The following ST3GAL1 variants were observed in gnomAD, a reference collection of about 807,000 sequenced individuals.
The protein encoded by ST3GAL1 is CMP-N-acetylneuraminate-beta-galactosamide-alpha-2,3-sialyltransferase 1.
Under a neutral mutation model 34.1 loss-of-function variants are expected in ST3GAL1, and 16 were observed. That is an observed-to-expected ratio of 0.47 (90% CI 0.32 to 0.71). The LOEUF is 0.71. ST3GAL1 is among the 30% of genes least tolerant of loss of function. The probability of loss-of-function intolerance (pLI) is 0.04; values close to 1 mark genes in which losing one functional copy is unlikely to be tolerated. For missense variants in ST3GAL1, 353 were observed against 447.4 expected (o/e 0.79, Z 1.90); for synonymous variants, 191 against 184.7 (o/e 1.03, Z -0.28).
intron 1 of ST3GAL1, among the ~76,000 whole-genome samples, chr8:133,569,814 C>G (rs1005736770): frequency 1.3e-5 from 2 of 152,226 alleles, no homozygotes; most frequent in Admixed American, 1.3e-4. Context: ...CTTTTCGAAG[C>G]CTCTGGGCGC....
At chr8:133,468,943 G>C (rs1419237719) in intron 5 of ST3GAL1, among the ~76,000 whole-genome samples, 5 of 152,158 alleles carry the variant, frequency 3.3e-5, no homozygotes, top group Non-Finnish European at 1.5e-5. Context: ...TGCCCCTTAG[G>C]CTTGTAAAGA....
At chr8:133,483,201 G>A (rs551993284) in intron 3 of ST3GAL1, among the ~76,000 whole-genome samples, 17 of 152,296 alleles carry the variant, frequency 1.1e-4, no homozygotes, top group African/African-American at 4.1e-4. Flanking sequence ...AATTAGCCGG[G>A]TGTGGTGGCA....
intron 5 of ST3GAL1, among the ~76,000 whole-genome samples, chr8:133,472,098 G>A (rs1420670165): frequency 6.6e-6 from 1 of 152,054 alleles, no homozygotes; most frequent in Admixed American, 6.5e-5. Context: ...GGGTCAGTAG[G>A]TCCAGCCTGG....
intron 5 of ST3GAL1, among the ~76,000 whole-genome samples, chr8:133,471,078 T>C (rs1245028963): frequency 3.3e-5 from 5 of 152,120 alleles, no homozygotes; most frequent in South Asian, 2.1e-4. Flanking sequence ...CCTTGGACCC[T>C]GGAAATATCA....
intron 1 of ST3GAL1, among the ~76,000 whole-genome samples, chr8:133,559,659 G>A (rs2131104900): frequency 6.6e-6 from 1 of 152,272 alleles, no homozygotes; most frequent in East Asian, 1.9e-4. Flanking sequence ...CAAGTAAGAA[G>A]AAGAACAACA....
At chr8:133,471,902 C>T (rs769734883) in intron 5 of ST3GAL1, among the ~76,000 whole-genome samples, 4 of 151,808 alleles carry the variant, frequency 2.6e-5, no homozygotes, top group Admixed American at 6.6e-5. Flanking sequence ...AGGGGAGGGT[C>T]GCACTCTTTC....
chr8:133,500,791 T>A (rs1817126451), intron 2 of ST3GAL1, among the ~76,000 whole-genome samples: 1 of 152,218 alleles, frequency 6.6e-6, no homozygotes, highest in African/African-American at 2.4e-5. Flanking sequence ...TATCATCATC[T>A]TCATCATCAT....
intron 1 of ST3GAL1, among the ~76,000 whole-genome samples, chr8:133,562,263 G>A (rs998391565): frequency 6.8e-6 from 1 of 147,630 alleles, no homozygotes; most frequent in Non-Finnish European, 1.5e-5. Context: ...AGGCTGGAGT[G>A]CAGTGGCAGG....
Position 133,457,846 on chromosome 8 carries a change from G to C in ST3GAL1, c.*1918C>G, listed in dbSNP as rs528735131. 6.6e-6 allele frequency: 1 copy of C among 152,240 alleles called. No individual in the cohort carries two copies. The highest frequency in any genetic ancestry group is 2.4e-5 in the African/African-American group (1 of 41,460). The allele number at this position is 152,240 out of a possible 1,614,324, so 9.4% of individuals were successfully genotyped here. A position where few individuals can be genotyped will look rare whatever the true frequency, so the allele number is the denominator to read the frequency against. The stretch of plus-strand genomic sequence containing the variant: ...GTGCAGAGGGGGCTCCCCCGAGCCT[G>C]GGAGCACAGGCCCCATGCCTCCGTC... On this transcript the variant is annotated 3_prime_UTR_variant, in exon 10 of 10. Transcript: ENST00000522652.
intron 3 of ST3GAL1, among the ~76,000 whole-genome samples, chr8:133,481,384 C>T (rs956092300): frequency 3.9e-5 from 6 of 152,262 alleles, no homozygotes; most frequent in Non-Finnish European, 4.4e-5. Context: ...CTCTTCCTTA[C>T]AGGCTCCTAT....
chr8:133,535,872 C>G (rs374394332), intron 2 of ST3GAL1, among the ~76,000 whole-genome samples: 2 of 152,192 alleles, frequency 1.3e-5, no homozygotes, highest in Non-Finnish European at 2.9e-5. Flanking sequence ...GACTACAGTA[C>G]AGTATAGTAT....
chr8:133,531,816 A>G (rs1330237594), intron 2 of ST3GAL1, among the ~76,000 whole-genome samples: 2 of 19,426 alleles, frequency 1.0e-4, no homozygotes, highest in Non-Finnish European at 2.4e-4. Flanking sequence ...TAAAAACAGA[A>G]AAAAAAAAAA....
At chr8:133,498,506 T>G (rs960335993) in intron 3 of ST3GAL1, among the ~76,000 whole-genome samples, 3 of 147,668 alleles carry the variant, frequency 2.0e-5, no homozygotes, top group Admixed American at 6.8e-5. Flanking sequence ...GTTTGGAGGG[T>G]TTTTTTTTTC....
At chr8:133,541,137 A>AGAGAGAGAGC (rs1818515262) in intron 2 of ST3GAL1, among the ~76,000 whole-genome samples, 1 of 137,850 alleles carries the variant, frequency 7.3e-6, no homozygotes, top group African/African-American at 2.8e-5. Context: ...AGAGAGAGAG[A>AGAGAGAGAGC]GAGAGAGAGA....
chr8:133,559,348 T>C (rs1224560538), intron 1 of ST3GAL1, among the ~76,000 whole-genome samples: 1 of 152,082 alleles, frequency 6.6e-6, no homozygotes, highest in East Asian at 1.9e-4. Context: ...AAACAGAAAA[T>C]AGCAGCAGAC....
chr8:133,513,528 C>T (rs1817556012), intron 2 of ST3GAL1, among the ~76,000 whole-genome samples: 1 of 152,136 alleles, frequency 6.6e-6, no homozygotes, highest in Non-Finnish European at 1.5e-5. Context: ...TTTCGTGCTC[C>T]AATGGCACAA....
At chr8:133,558,454 A>G (rs969894526) in intron 1 of ST3GAL1, among the ~76,000 whole-genome samples, 3 of 152,254 alleles carry the variant, frequency 2.0e-5, no homozygotes, top group Non-Finnish European at 2.9e-5. Flanking sequence ...GAGTAAATCA[A>G]GGAATCAATG....
At chr8:133,553,447 C>G (rs1174402331) in intron 1 of ST3GAL1, among the ~76,000 whole-genome samples, 3 of 152,242 alleles carry the variant, frequency 2.0e-5, no homozygotes, top group Non-Finnish European at 4.4e-5. Flanking sequence ...AAAAGCCTCA[C>G]TTTACCTGCT....
chr8:133,476,756 G>A lies in ST3GAL1; in HGVS notation c.-373-156C>T, dbSNP rs6989545. Among the ~76,000 whole-genome samples the A allele has an allele frequency of 7.2e-3, 1,100 of 152,328 alleles. 17 individuals carry two copies. The highest frequency in any genetic ancestry group is 0.025 in the African/African-American group (1,032 of 41,564). Reference sequence around the variant, plus strand: ...CTCTGGATGGTTTATCTACCTTTGTGAGCCTGAGTGCGTGCATACAATGGA... The same window carrying A: ...CTCTGGATGGTTTATCTACCTTTGTAAGCCTGAGTGCGTGCATACAATGGA... On this transcript the variant is annotated intron_variant, in intron 3 of 9. Transcript: ENST00000522652.
Sources: gnomAD v4.1 joint callset for allele counts (sites outside exome capture counted in the v4.1 genomes callset) on GRCh38, gnomAD v4.1.1 for gene constraint, MANE v1.5 for transcripts, NCBI Gene and HGNC (gene_info 2026-07-23, HGNC 2026-07-21) for gene names.